The following SLC24A2 variants were observed in gnomAD, a reference collection of about 807,000 sequenced individuals.
The protein encoded by SLC24A2 is solute carrier family 24 member 2.
Under a neutral mutation model 62.0 loss-of-function variants are expected in SLC24A2, and 36 were observed. The ratio of observed to expected loss-of-function variants is 0.58; its 90% CI spans 0.44 to 0.77. The LOEUF is 0.77. Among genes scored for constraint, SLC24A2 ranks in the 30% least tolerant of loss-of-function variants. The pLI is 0.00. For synonymous variants in SLC24A2, 358 were observed against 294.0 expected, an observed-to-expected ratio of 1.22 and a Z score of -2.23; for missense variants, 846 against 817.9, an observed-to-expected ratio of 1.03 and a Z score of -0.42.
At chr9:19,798,734 G>A in the SLC24A2 span, among the ~76,000 whole-genome samples, 1 of 152,048 alleles carries the variant, frequency 6.6e-6, no homozygotes, top group Non-Finnish European at 1.5e-5. Context: ...TCATATGTAT[G>A]AAGTATTCTT....
chr9:19,870,797 A>G, the SLC24A2 span, among the ~76,000 whole-genome samples: 1 of 152,156 alleles, frequency 6.6e-6, no homozygotes, highest in Non-Finnish European at 1.5e-5. Flanking sequence ...GGCCATTTGT[A>G]TATCTACTTT....
intron 8 of SLC24A2, among the ~76,000 whole-genome samples, chr9:19,531,443 T>A (rs1833703984): frequency 6.6e-6 from 1 of 152,218 alleles, no homozygotes; most frequent in African/African-American, 2.4e-5. Context: ...TCATACTAAT[T>A]AGCAAATAAG....
chr9:19,602,580 T>C (rs1836870134), intron 4 of SLC24A2, among the ~76,000 whole-genome samples: 1 of 152,144 alleles, frequency 6.6e-6, no homozygotes, highest in Non-Finnish European at 1.5e-5. Context: ...GAGAAAGAAA[T>C]GACATAAAGA....
the SLC24A2 span, among the ~76,000 whole-genome samples, chr9:20,112,437 T>C: frequency 6.6e-6 from 1 of 152,182 alleles, no homozygotes; most frequent in Admixed American, 6.6e-5. Flanking sequence ...TTAAAGAAAT[T>C]TATGGGAATG....
the SLC24A2 span, among the ~76,000 whole-genome samples, chr9:20,178,217 C>T: frequency 6.6e-6 from 1 of 152,134 alleles, no homozygotes; most frequent in Non-Finnish European, 1.5e-5. Context: ...CACTGGCTTT[C>T]CTAATCCAAT....
At chr9:19,896,044 C>T in the SLC24A2 span, 3 of 1,310,932 alleles carry the variant, frequency 2.3e-6, no homozygotes, top group Non-Finnish European at 3.2e-6. Context: ...CCCCTTGCCT[C>T]TGGGATGCCT....
At chr9:19,528,206 G>A (rs1394888235) in intron 8 of SLC24A2, 68 bp from the exon 9 acceptor site, 3 of 1,062,904 alleles carry the variant, frequency 2.8e-6, no homozygotes, top group Non-Finnish European at 4.3e-6. Context: ...GAAATCCAAA[G>A]CTAAAGCCAC....
chr9:20,191,948 T>C, the SLC24A2 span, among the ~76,000 whole-genome samples: 8 of 152,110 alleles, frequency 5.3e-5, no homozygotes, highest in South Asian at 4.1e-4. Context: ...GAAGATAAGA[T>C]GCTATGCACA....
At chr9:20,275,005 A>T in the SLC24A2 span, among the ~76,000 whole-genome samples, 8 of 152,118 alleles carry the variant, frequency 5.3e-5, no homozygotes, top group Non-Finnish European at 1.2e-4. Flanking sequence ...TGACAGGATT[A>T]GGGGTGGACT....
At chr9:20,185,982 G>T in the SLC24A2 span, among the ~76,000 whole-genome samples, 1 of 152,134 alleles carries the variant, frequency 6.6e-6, no homozygotes, top group East Asian at 1.9e-4. Context: ...AAGAAAACTG[G>T]TTCCTGGCCT....
chr9:20,188,214 C>G, the SLC24A2 span, among the ~76,000 whole-genome samples: 1 of 152,218 alleles, frequency 6.6e-6, no homozygotes, highest in Non-Finnish European at 1.5e-5. Flanking sequence ...CTCTCCACTT[C>G]TCTTCCAGGG....
the SLC24A2 span, among the ~76,000 whole-genome samples, chr9:19,903,473 A>G: frequency 6.6e-6 from 1 of 152,202 alleles, no homozygotes; most frequent in Non-Finnish European, 1.5e-5. Context: ...AAGGCTTTGG[A>G]ATATTAATTC....
chr9:20,122,523 C>T, the SLC24A2 span, among the ~76,000 whole-genome samples: 1 of 152,100 alleles, frequency 6.6e-6, no homozygotes. Flanking sequence ...CCTGTCTCTA[C>T]TAAAAATACA....
the SLC24A2 span, among the ~76,000 whole-genome samples, chr9:20,030,255 T>G: frequency 5.3e-5 from 8 of 152,150 alleles, no homozygotes; most frequent in African/African-American, 1.9e-4. Flanking sequence ...ACATTTGAAA[T>G]TATTTCTGAA....
chr9:19,958,835 C>G, the SLC24A2 span, among the ~76,000 whole-genome samples: 1 of 152,174 alleles, frequency 6.6e-6, no homozygotes, highest in Non-Finnish European at 1.5e-5. Context: ...CTGTTTGTGA[C>G]TTTTTAATAA....
the SLC24A2 span, among the ~76,000 whole-genome samples, chr9:20,026,423 G>A: frequency 6.6e-6 from 1 of 152,138 alleles, no homozygotes. Flanking sequence ...GCTATTATTA[G>A]CTATTATTTT....
intron 8 of SLC24A2, among the ~76,000 whole-genome samples, chr9:19,544,846 G>A (rs1320297464): frequency 1.3e-5 from 2 of 152,098 alleles, no homozygotes; most frequent in Non-Finnish European, 2.9e-5. Context: ...TTTCTCTCTG[G>A]CTGCCCTTAA....
At chr9:20,232,782 T>C in the SLC24A2 span, among the ~76,000 whole-genome samples, 1 of 152,356 alleles carries the variant, frequency 6.6e-6, no homozygotes, top group East Asian at 1.9e-4. Flanking sequence ...TGCTAGCTTT[T>C]GAATGTGCTT....
intron 7 of SLC24A2, among the ~76,000 whole-genome samples, chr9:19,560,467 T>TCTATGTC (rs1175946670): frequency 1.3e-5 from 2 of 152,190 alleles, no homozygotes; most frequent in Non-Finnish European, 2.9e-5. Flanking sequence ...TCTCTCTGTC[T>TCTATGTC]CTATGTCCCC....
Sources: gnomAD v4.1 joint callset for allele counts (sites outside exome capture counted in the v4.1 genomes callset) on GRCh38, gnomAD v4.1.1 for gene constraint, MANE v1.5 for transcripts, NCBI Gene and HGNC (gene_info 2026-07-23, HGNC 2026-07-21) for gene names.